Variants in RUVBL1 observed in about 807,000 individuals in gnomAD.
The protein encoded by RUVBL1 is ruvB-like 1.
RUVBL1 carries 4 observed loss-of-function variants against 52.4 expected under a neutral mutation model. The observed-to-expected ratio is 0.08, with a 90% CI of 0.04 to 0.17. RUVBL1 has a LOEUF of 0.17. RUVBL1 is among the 10% of genes least tolerant of loss of function. The pLI, the probability that RUVBL1 is intolerant of heterozygous loss-of-function variation, is 1.00. For synonymous variants in RUVBL1, 217 were observed against 214.4 expected (o/e 1.01, Z -0.10); for missense variants, 298 against 572.8 (o/e 0.52, Z 4.90).
In RUVBL1 at chr3:128,065,732, A is replaced by ATTTTTT. The variant is rs758640768; in HGVS notation, c.940-518_940-513dup. Among the ~76,000 whole-genome samples the ATTTTTT allele has an allele frequency of 5.4e-3, 530 of 97,466 alleles. 10 individuals carry two copies. Among genetic ancestry groups the ATTTTTT allele is most frequent in the Non-Finnish European group, 6.8e-3 (358 of 52,738 alleles). The allele number at this position is 97,466 out of a possible 152,430, so 63.9% of individuals were successfully genotyped here. A position where few individuals can be genotyped will look rare whatever the true frequency, so the allele number is the denominator to read the frequency against. ...AGAATTTGCAGTCAGATCATTAAGA[A>ATTTTTT]TTTTTTTTTTTTTTTTTTTTTTGAG... is the stretch of plus-strand genomic sequence containing the variant. On this transcript the variant is annotated intron_variant, in intron 9 of 9. Coordinates refer to the RUVBL1 transcript ENST00000464873.
At chr3:128,106,516 T>A (rs1576462687) in intron 3 of RUVBL1, among the ~76,000 whole-genome samples, 2 of 151,872 alleles carry the variant, frequency 1.3e-5, no homozygotes, top group East Asian at 3.9e-4. Flanking sequence ...CATGGTGACC[T>A]GTGTTTCCAC....
intron 6 of RUVBL1, among the ~76,000 whole-genome samples, chr3:128,100,331 G>A (rs911389266): frequency 5.9e-5 from 9 of 152,210 alleles, no homozygotes; most frequent in Non-Finnish European, 1.0e-4. Context: ...CTGGAGTGAA[G>A]CCATGGAGGA....
intron 3 of RUVBL1, among the ~76,000 whole-genome samples, chr3:128,108,714 T>C (rs75251552): frequency 1.3e-5 from 2 of 150,084 alleles, no homozygotes; most frequent in South Asian, 4.2e-4. Flanking sequence ...AAAAAAAAAG[T>C]ACTCAGACAT....
At chr3:128,126,711 T>C (rs1943798322), upstream of RUVBL1, among the ~76,000 whole-genome samples, 1 of 152,160 alleles carries the variant, frequency 6.6e-6, no homozygotes, top group Admixed American at 6.6e-5. Context: ...AGTCAGACAA[T>C]TTCTTTCATT....
intron 1 of RUVBL1, among the ~76,000 whole-genome samples, chr3:128,146,021 G>A (rs956279658): frequency 6.6e-6 from 1 of 152,116 alleles, no homozygotes; most frequent in Admixed American, 6.5e-5. Flanking sequence ...GGTGATATGC[G>A]CAAAGGAGAA....
Position 128,123,801 on chromosome 3 carries a change from G to A in RUVBL1, c.-77C>T. On this transcript the variant is annotated 5_prime_UTR_variant, in exon 1 of 11. Transcript: ENST00000322623. ...GTGCGCCCGGCGCCTGAGTTACCAT[G>A]CGGCCGTTACTAGGGCAATTTGCAA... 1.3e-6 allele frequency: 2 copies of A among 1,489,024 alleles called. No individual in the cohort carries two copies. Among genetic ancestry groups the A allele is most frequent in the Non-Finnish European group, 1.8e-6 (2 of 1,111,226 alleles). The allele number at this position is 1,489,024 out of a possible 1,614,324, so 92.2% of individuals were successfully genotyped here.
At chr3:128,110,201 T>C (rs1353729338) in intron 3 of RUVBL1, among the ~76,000 whole-genome samples, 1 of 151,900 alleles carries the variant, frequency 6.6e-6, no homozygotes, top group Admixed American at 6.6e-5. Flanking sequence ...CAGGAGGATC[T>C]CTTGAGCCCA....
intron 9 of RUVBL1, among the ~76,000 whole-genome samples, chr3:128,073,344 A>G (rs968751397): frequency 2.0e-4 from 31 of 151,880 alleles, no homozygotes; most frequent in African/African-American, 7.5e-4. Context: ...GCCCTACCCC[A>G]TACCCCGCCC....
At chr3:128,145,747 T>C (rs1156965411) in intron 1 of RUVBL1, among the ~76,000 whole-genome samples, 4 of 152,214 alleles carry the variant, frequency 2.6e-5, no homozygotes, top group Admixed American at 2.6e-4. Flanking sequence ...GGAATCTTAG[T>C]CCTACTGGTG....
At chr3:128,139,887 G>A (rs1028063968) in intron 1 of RUVBL1, among the ~76,000 whole-genome samples, 1 of 152,160 alleles carries the variant, frequency 6.6e-6, no homozygotes, top group Non-Finnish European at 1.5e-5. Flanking sequence ...GGCTGGGAAG[G>A]GTAGTGGGGA....
At chr3:128,144,038 A>G (rs532990981) in intron 1 of RUVBL1, among the ~76,000 whole-genome samples, 3 of 152,260 alleles carry the variant, frequency 2.0e-5, no homozygotes, top group Admixed American at 6.5e-5. Context: ...TCTTGCCACT[A>G]TATCAGGCTT....
At chr3:128,112,728 G>T (rs188943528) in intron 3 of RUVBL1, among the ~76,000 whole-genome samples, 160 bp downstream of exon 3, 1 of 152,140 alleles carries the variant, frequency 6.6e-6, no homozygotes. Context: ...GAAAAACTGG[G>T]GTTTTGTTTT....
At chr3:128,117,584 T>C (rs1050790910) in intron 2 of RUVBL1, among the ~76,000 whole-genome samples, 5 of 151,416 alleles carry the variant, frequency 3.3e-5, no homozygotes, top group Non-Finnish European at 5.9e-5. Flanking sequence ...GGAAAGGCAA[T>C]AGCTGAAGAG....
At chr3:128,115,220 C>T (rs999307689) in intron 2 of RUVBL1, among the ~76,000 whole-genome samples, 7 of 152,074 alleles carry the variant, frequency 4.6e-5, no homozygotes, top group East Asian at 1.9e-4. Flanking sequence ...AAGGTAAAAC[C>T]GCAAGCAGCA....
At chr3:128,128,922 C>G (rs1031725462) in intron 1 of RUVBL1, among the ~76,000 whole-genome samples, 1 of 152,180 alleles carries the variant, frequency 6.6e-6, no homozygotes, top group Admixed American at 6.5e-5. Flanking sequence ...TTCCATCTCT[C>G]AAAGGCCTTG....
intron 2 of RUVBL1, among the ~76,000 whole-genome samples, chr3:128,115,087 TCCTACA>T (rs1171371478): frequency 6.6e-6 from 1 of 152,196 alleles, no homozygotes; most frequent in Non-Finnish European, 1.5e-5. Flanking sequence ...TGGCTACTAT[TCCTACA>T]CCTACTACAG....
At chr3:128,073,551 A>G (rs1942230250) in intron 9 of RUVBL1, among the ~76,000 whole-genome samples, 2 of 152,066 alleles carry the variant, frequency 1.3e-5, no homozygotes, top group East Asian at 1.9e-4. Context: ...GCACCTACCA[A>G]TGCCTGGTTC....
intron 1 of RUVBL1, among the ~76,000 whole-genome samples, chr3:128,146,316 C>CTG (rs138740874): frequency 1.3e-5 from 2 of 150,764 alleles, no homozygotes; most frequent in South Asian, 2.1e-4. Flanking sequence ...GTGCGTGCGT[C>CTG]TGTGTGTGTG....
chr3:128,124,694 T>C (rs1943755260), upstream of RUVBL1, among the ~76,000 whole-genome samples: 1 of 152,180 alleles, frequency 6.6e-6, no homozygotes, highest in Admixed American at 6.5e-5. Flanking sequence ...GTTTACTTCT[T>C]GCTTAGAAAA....
Sources: gnomAD v4.1 joint callset for allele counts (sites outside exome capture counted in the v4.1 genomes callset) on GRCh38, gnomAD v4.1.1 for gene constraint, MANE v1.5 for transcripts, NCBI Gene and HGNC (gene_info 2026-07-23, HGNC 2026-07-21) for gene names.